The following TEAD1 variants were observed in gnomAD, a reference collection of about 807,000 sequenced individuals.
TEAD1 encodes TEA domain transcription factor 1.
In TEAD1, 9 loss-of-function variants were observed where a neutral mutation model predicts 54.9. That is an observed-to-expected ratio of 0.16 (90% CI 0.10 to 0.29). TEAD1 has a LOEUF of 0.29. TEAD1 is among the 10% of genes least tolerant of loss of function. The pLI is 1.00. For missense variants in TEAD1, 387 were observed against 535.9 expected, an observed-to-expected ratio of 0.72 and a Z score of 2.74; for synonymous variants, 200 against 187.8, an observed-to-expected ratio of 1.07 and a Z score of -0.53.
intron 3 of TEAD1, among the ~76,000 whole-genome samples, chr11:12,857,128 A>G (rs1021750086): frequency 1.3e-5 from 2 of 152,198 alleles, no homozygotes; most frequent in Middle Eastern, 3.2e-3. Context: ...TTAGCAGGAA[A>G]TTCCATGGCA....
intron 2 of TEAD1, among the ~76,000 whole-genome samples, chr11:12,737,732 T>C (rs527589560): frequency 1.4e-3 from 215 of 152,218 alleles, no homozygotes; most frequent in Non-Finnish European, 2.7e-3. Flanking sequence ...TTTTGCTCAG[T>C]AGCAAATCAA....
chr11:12,937,069 C>T (rs1336812664), intron 12 of TEAD1, 40 bp from the exon 13 acceptor site: 2 of 1,370,714 alleles, frequency 1.5e-6, no homozygotes, highest in Non-Finnish European at 2.1e-6. Flanking sequence ...AATATGTTTT[C>T]ATCCTTTTGG....
intron 9 of TEAD1, among the ~76,000 whole-genome samples, chr11:12,895,355 A>G (rs1230994020): frequency 6.6e-6 from 1 of 152,176 alleles, no homozygotes; most frequent in Middle Eastern, 3.2e-3. Flanking sequence ...TCAAAATAGA[A>G]ATCCACATAT....
intron 3 of TEAD1, among the ~76,000 whole-genome samples, chr11:12,845,045 A>G (rs1341837796): frequency 1.5e-5 from 2 of 137,596 alleles, no homozygotes; most frequent in African/African-American, 2.7e-5. Context: ...GGCTCACTGC[A>G]ACCTCTGCCT....
intron 10 of TEAD1, among the ~76,000 whole-genome samples, chr11:12,904,406 T>A (rs1472109160): frequency 1.3e-5 from 2 of 152,234 alleles, no homozygotes; most frequent in African/African-American, 4.8e-5. Flanking sequence ...TCTGATGAGA[T>A]CCACGATGAT....
intron 3 of TEAD1, among the ~76,000 whole-genome samples, chr11:12,775,969 C>CGG (rs1314613992): frequency 2.1e-5 from 3 of 142,966 alleles, no homozygotes; most frequent in African/African-American, 9.1e-5. Context: ...TGTTTACTGG[C>CGG]GGCGGGGGGT....
At chr11:12,811,395 G>C (rs1054534688) in intron 3 of TEAD1, among the ~76,000 whole-genome samples, 1 of 152,206 alleles carries the variant, frequency 6.6e-6, no homozygotes, top group Non-Finnish European at 1.5e-5. Flanking sequence ...GTTGGAACAA[G>C]ACTTCTTAGT....
At chr11:12,693,147 C>T (rs1943498568) in intron 2 of TEAD1, among the ~76,000 whole-genome samples, 1 of 152,204 alleles carries the variant, frequency 6.6e-6, no homozygotes, top group Non-Finnish European at 1.5e-5. Flanking sequence ...GGAAAGCAGC[C>T]AGAGGTGCGA....
At position 12,930,346 on chromosome 11, in the gene TEAD1, C is replaced by T. The variant is rs1948990784; in HGVS notation, c.1167+20C>T. 1 of 1,613,838 alleles carries T rather than the reference C, an allele frequency of 6.2e-7. No homozygotes were observed. The highest frequency in any genetic ancestry group is 1.1e-5 in the South Asian group (1 of 91,026). On this transcript the variant is annotated intron_variant, in intron 12 of 12. Coordinates refer to ENST00000527636, the MANE Select transcript of TEAD1 (RefSeq NM_021961.6). ...TTATTGGTAATGGTTTTGTCTCTTT[C>T]CTCTGTGGGCAGATGCTGCCATGAG...
chr11:12,714,281 G>GT (rs1485020785), intron 2 of TEAD1, among the ~76,000 whole-genome samples: 1 of 152,130 alleles, frequency 6.6e-6, no homozygotes, highest in Non-Finnish European at 1.5e-5. Context: ...AAGGAGAAGT[G>GT]GAAAGGTCTT....
At chr11:12,873,005 C>G (rs1477453860) in intron 5 of TEAD1, among the ~76,000 whole-genome samples, 1 of 152,188 alleles carries the variant, frequency 6.6e-6, no homozygotes, top group Non-Finnish European at 1.5e-5. Context: ...AGTCACAAGT[C>G]TGAAGTTAAT....
chr11:12,894,956 T>C (rs532424060), intron 9 of TEAD1, among the ~76,000 whole-genome samples: 3 of 152,322 alleles, frequency 2.0e-5, no homozygotes, highest in East Asian at 1.9e-4. Flanking sequence ...CTACTAAGTA[T>C]ACATATTTCC....
At chr11:12,884,433 C>G (rs764168802) in intron 9 of TEAD1, among the ~76,000 whole-genome samples, 1 of 152,162 alleles carries the variant, frequency 6.6e-6, no homozygotes, top group Non-Finnish European at 1.5e-5. Context: ...TTTCTATTAT[C>G]GGGAGACAGT....
intron 3 of TEAD1, among the ~76,000 whole-genome samples, chr11:12,856,910 A>C (rs1947394492): frequency 6.6e-6 from 1 of 152,148 alleles, no homozygotes; most frequent in Non-Finnish European, 1.5e-5. Flanking sequence ...TCAATTACAA[A>C]GTGGCTCTTA....
chr11:12,720,918 G>A (rs1944182415), intron 2 of TEAD1, among the ~76,000 whole-genome samples: 1 of 152,142 alleles, frequency 6.6e-6, no homozygotes. Context: ...GGTCAGCCCC[G>A]ACACTTCCTC....
chr11:12,782,166 C>T (rs949955323), intron 3 of TEAD1, among the ~76,000 whole-genome samples: 4 of 151,908 alleles, frequency 2.6e-5, no homozygotes, highest in Admixed American at 2.6e-4. Context: ...ATATTTATAG[C>T]AGCATTATTT....
At chr11:12,841,493 G>A (rs139188356) in intron 3 of TEAD1, among the ~76,000 whole-genome samples, 350 of 152,274 alleles carry the variant, frequency 2.3e-3, no homozygotes, top group Non-Finnish European at 3.9e-3. Flanking sequence ...GGGGAATGTC[G>A]GTTTCATGCT....
At chr11:12,783,133 T>TGTGTGTGTGTGTGTGCGCGC (rs1198828193) in intron 3 of TEAD1, among the ~76,000 whole-genome samples, 1 of 145,570 alleles carries the variant, frequency 6.9e-6, no homozygotes, top group African/African-American at 2.7e-5. Context: ...TGTGTGTGTG[T>TGTGTGTGTGTGTGTGCGCGC]GCGCGCACTT....
intron 5 of TEAD1, among the ~76,000 whole-genome samples, chr11:12,878,191 A>G (rs1368869888): frequency 1.3e-5 from 2 of 152,114 alleles, no homozygotes; most frequent in Non-Finnish European, 2.9e-5. Context: ...CCTGACAGTT[A>G]TAGGGCAAAG....
Sources: gnomAD v4.1 joint callset for allele counts (sites outside exome capture counted in the v4.1 genomes callset) on GRCh38, gnomAD v4.1.1 for gene constraint, MANE v1.5 for transcripts, NCBI Gene and HGNC (gene_info 2026-07-23, HGNC 2026-07-21) for gene names.